SDCCAG8: variants seen among roughly 807,000 people sequenced by gnomAD.
SDCCAG8 encodes SHH signaling and ciliogenesis regulator SDCCAG8.
In SDCCAG8, 74 loss-of-function variants were observed where a neutral mutation model predicts 101.8. That is an observed-to-expected ratio of 0.73 (90% CI 0.60 to 0.88). The LOEUF is 0.88. Ranked by LOEUF, SDCCAG8 falls within the 40% of genes least tolerant of loss-of-function variation. The pLI is 0.00. For missense variants in SDCCAG8, 787 were observed against 822.6 expected (o/e 0.96, Z 0.53); for synonymous variants, 281 against 292.9 (o/e 0.96, Z 0.41).
intron 1 of SDCCAG8, among the ~76,000 whole-genome samples, chr1:243,257,394 C>G (rs1319442322): frequency 6.6e-6 from 1 of 151,856 alleles, no homozygotes; most frequent in African/African-American, 2.4e-5. Context: ...GTTAAGCATA[C>G]TAGGTGCTAG....
At chr1:243,420,853 T>C (rs12077126) in intron 15 of SDCCAG8, among the ~76,000 whole-genome samples, 4,585 of 152,282 alleles carry the variant, frequency 0.03, 239 homozygotes, top group African/African-American at 0.1. Flanking sequence ...CATTTTGATG[T>C]TACCTTCTGC....
In SDCCAG8 at chr1:243,458,703, T is replaced by C. The variant is rs932473401; in HGVS notation, c.1986-30311T>C. Among the ~76,000 whole-genome samples, 2 of 152,250 alleles carry C rather than the reference T, an allele frequency of 1.3e-5. No individual in the cohort carries two copies. The highest frequency in any genetic ancestry group is 1.5e-5 in the Non-Finnish European group (1 of 68,040). On this transcript the variant is annotated intron_variant, in intron 16 of 17. Coordinates refer to ENST00000366541, the MANE Select transcript of SDCCAG8 (RefSeq NM_006642.5). The surrounding 1 kb of genome is among the most constrained non-coding windows in gnomAD (Gnocchi z 4.5). Reference sequence around the variant, plus strand: ...AATTCTGGGAAGAAGGGATGCTGATTTGAAGAATCTTAGCAATATTTTAGC... The same window carrying C: ...AATTCTGGGAAGAAGGGATGCTGATCTGAAGAATCTTAGCAATATTTTAGC...
chr1:243,442,585 T>A (rs191635581), intron 16 of SDCCAG8, among the ~76,000 whole-genome samples: 2 of 151,424 alleles, frequency 1.3e-5, no homozygotes, highest in East Asian at 3.9e-4. Flanking sequence ...TTTTCATAGA[T>A]AACCTAATCT....
intron 12 of SDCCAG8, among the ~76,000 whole-genome samples, chr1:243,376,459 A>G (rs1365883886): frequency 6.6e-6 from 1 of 152,180 alleles, no homozygotes; most frequent in African/African-American, 2.4e-5. Context: ...TTGGCAACGC[A>G]ACCCTTGACT....
rs931257839 is a variant in SDCCAG8 at position 243,437,531 on chromosome 1, C to CTTTT, written c.1985+10988_1985+10991dup. On this transcript the variant is annotated intron_variant, in intron 16 of 17. Transcript: ENST00000366541. ...AATCCTAAAATGACATGGAGGAATT[C>CTTTT]TTTTTTTTTTTTTTTTTTGTATTGA... Among the ~76,000 whole-genome samples the CTTTT allele has an allele frequency of 5.1e-3, 659 of 129,580 alleles. 14 individuals carry two copies. Among genetic ancestry groups the CTTTT allele is most frequent in the African/African-American group, 0.017 (611 of 34,918 alleles). 85.0% of individuals were successfully genotyped at this position (129,580 alleles called of 152,430 possible). A position where few individuals can be genotyped will look rare whatever the true frequency, so the allele number is the denominator to read the frequency against.
At chr1:243,362,611 A>G (rs137869893) in intron 12 of SDCCAG8, among the ~76,000 whole-genome samples, 4 of 152,358 alleles carry the variant, frequency 2.6e-5, no homozygotes, top group African/African-American at 9.6e-5. Context: ...TAATTGCTCA[A>G]TACACACTAA....
At position 243,474,592 on chromosome 1, in the gene SDCCAG8, T is replaced by C. The variant is rs1233139414; in HGVS notation, c.1986-14422T>C. Among the ~76,000 whole-genome samples, 1 of 152,178 alleles carries C rather than the reference T, an allele frequency of 6.6e-6. No homozygotes were observed. On this transcript the variant is annotated intron_variant, in intron 16 of 17. Coordinates refer to ENST00000366541, the MANE Select transcript of SDCCAG8 (RefSeq NM_006642.5). This position sits in a 1 kb window ranked among gnomAD's most constrained non-coding sequence, Gnocchi z 4.7. ...CCCTGCCCGGCGAGGGAGAGGGGTG[T>C]CTCCTGCCTGGAGCGCTCCGCGGTG...
rs145965450 is a variant in SDCCAG8 at position 243,313,143 on chromosome 1, C to G, written c.930-3612C>G. On this transcript the variant is annotated intron_variant, in intron 8 of 17. Transcript: ENST00000366541. ...GATTTTGGAGTGGATCATTGGCCTG[C>G]TCTGCATAGCTGGCTTTAAAAGACT... 1.3e-3 allele frequency among the ~76,000 whole-genome samples: 192 copies of G among 152,274 alleles called. 1 individual carries two copies. Among genetic ancestry groups the G allele is most frequent in the Non-Finnish European group, 2.1e-3 (144 of 68,014 alleles).
intron 13 of SDCCAG8, among the ~76,000 whole-genome samples, chr1:243,389,693 C>CTTGTAAA (rs1255404995): frequency 6.6e-6 from 1 of 152,130 alleles, no homozygotes; most frequent in Non-Finnish European, 1.5e-5. Flanking sequence ...CCACAAGAAG[C>CTTGTAAA]TTGAGATGCT....
At chr1:243,441,274 C>T (rs1395076697) in intron 16 of SDCCAG8, among the ~76,000 whole-genome samples, 1 of 152,208 alleles carries the variant, frequency 6.6e-6, no homozygotes, top group Admixed American at 6.5e-5. Context: ...ACACAGTCCT[C>T]TGCAAATGTG....
chr1:243,495,722 G>A (rs180861128), intron 17 of SDCCAG8, among the ~76,000 whole-genome samples: 46 of 152,328 alleles, frequency 3.0e-4, no homozygotes, highest in African/African-American at 7.7e-4. Flanking sequence ...CTCGAAGGCC[G>A]CGTTTCCCCG....
Position 243,423,242 on chromosome 1 carries a change from G to A in SDCCAG8, c.1854-3185G>A, listed in dbSNP as rs2081128824. Among the ~76,000 whole-genome samples, 4 of 152,050 alleles carry A rather than the reference G, an allele frequency of 2.6e-5. No homozygotes were observed. In the South Asian group the frequency reaches 8.3e-4, roughly 31 times the overall value. ...CATTTATATTTTTGGGATTATGTAA[G>A]ACATCCTCAATGCAGGGAATTTGGA... is the stretch of plus-strand genomic sequence containing the variant. On this transcript the variant is annotated intron_variant, in intron 15 of 17. Coordinates refer to ENST00000366541, the MANE Select transcript of SDCCAG8 (RefSeq NM_006642.5).
intron 15 of SDCCAG8, among the ~76,000 whole-genome samples, chr1:243,424,066 T>G (rs1047185929): frequency 6.6e-6 from 1 of 152,098 alleles, no homozygotes; most frequent in African/African-American, 2.4e-5. Context: ...TCATTTGTGT[T>G]TCTTCTGTAG....
chr1:243,375,150 C>T (rs568521056), intron 12 of SDCCAG8, among the ~76,000 whole-genome samples: 7 of 151,978 alleles, frequency 4.6e-5, no homozygotes, highest in African/African-American at 9.6e-5. Context: ...GTGGGTGGTG[C>T]GAGACCTAAA....
At chr1:243,382,989 T>C (rs973754653) in intron 13 of SDCCAG8, among the ~76,000 whole-genome samples, 3 of 152,196 alleles carry the variant, frequency 2.0e-5, no homozygotes, top group Admixed American at 2.0e-4. Context: ...CCAGTGGAGA[T>C]GTCCAATGTT....
intron 16 of SDCCAG8, among the ~76,000 whole-genome samples, chr1:243,429,028 G>A (rs753361997): frequency 7.9e-5 from 12 of 152,138 alleles, no homozygotes; most frequent in South Asian, 2.1e-4. Flanking sequence ...GAATAACACC[G>A]TGGGACCCAT....
intron 16 of SDCCAG8, among the ~76,000 whole-genome samples, chr1:243,445,010 G>A (rs2082800299): frequency 6.6e-6 from 1 of 152,000 alleles, no homozygotes; most frequent in African/African-American, 2.4e-5. Context: ...ATTTATATAT[G>A]TGGTTACTTT....
At chr1:243,414,845 ATGTGTGTGTGTG>A (rs35826806) in intron 13 of SDCCAG8, among the ~76,000 whole-genome samples, 2 of 148,862 alleles carry the variant, frequency 1.3e-5, no homozygotes, top group Non-Finnish European at 3.0e-5. Context: ...CCATTCTAAT[ATGTGTGTGTGTG>A]TGTGTGTGTG....
At chr1:243,485,048 A>G (rs905167348) in intron 16 of SDCCAG8, among the ~76,000 whole-genome samples, 6 of 142,532 alleles carry the variant, frequency 4.2e-5, no homozygotes, top group African/African-American at 1.6e-4. Context: ...CATCTCAAAA[A>G]AAAAAAAAGA....
Sources: allele counts gnomAD v4.1 joint callset (sites outside exome capture counted in the v4.1 genomes callset), GRCh38; gene constraint gnomAD v4.1.1; non-coding constraint Gnocchi (gnomAD v3.1); transcripts MANE v1.5; gene names NCBI Gene and HGNC (gene_info 2026-07-23, HGNC 2026-07-21).